The following PSPC1 variants were observed in gnomAD, a reference collection of about 807,000 sequenced individuals.
The protein encoded by PSPC1 is paraspeckle protein 1.
Under a neutral mutation model 51.6 loss-of-function variants are expected in PSPC1, and 14 were observed. That is an observed-to-expected ratio of 0.27 (90% CI 0.18 to 0.42). The LOEUF (loss-of-function observed/expected upper bound fraction) is 0.42. Ranked by LOEUF, PSPC1 falls within the 10% of genes least tolerant of loss-of-function variation. PSPC1 has a pLI of 1.00. For synonymous variants in PSPC1, 193 were observed against 231.9 expected, an observed-to-expected ratio of 0.83 and a Z score of 1.53; for missense variants, 406 against 701.1, an observed-to-expected ratio of 0.58 and a Z score of 4.75.
chr13:19,755,464 T>C lies in PSPC1; in HGVS notation c.770+3859A>G, dbSNP rs373152825. ...TTAGCTGAGCATGGTTATGTGCGCC[T>C]GTAGTCTCAGCTACTTGGGAGGCTG... On this transcript the variant is annotated intron_variant, in intron 3 of 8. Coordinates refer to ENST00000338910, the MANE Select transcript of PSPC1 (RefSeq NM_001354909.2). Among the ~76,000 whole-genome samples, 108 of 152,050 alleles carry C rather than the reference T, an allele frequency of 7.1e-4. 1 individual carries two copies. Among genetic ancestry groups the C allele is most frequent in the African/African-American group, 2.3e-3 (97 of 41,484 alleles).
intron 6 of PSPC1, among the ~76,000 whole-genome samples, chr13:19,724,602 C>T (rs1387475797): frequency 6.7e-6 from 1 of 149,136 alleles, no homozygotes; most frequent in Non-Finnish European, 1.5e-5. Context: ...CACCTGTAAT[C>T]CCAACACTCT....
chr13:19,718,435 C>T (rs1294250555), intron 6 of PSPC1, among the ~76,000 whole-genome samples: 1 of 152,150 alleles, frequency 6.6e-6, no homozygotes, highest in East Asian at 1.9e-4. Context: ...TGAGACAGCA[C>T]TACAAAACCT....
chr13:19,722,973 T>C (rs1882956112), intron 6 of PSPC1, among the ~76,000 whole-genome samples: 3 of 151,994 alleles, frequency 2.0e-5, no homozygotes. Context: ...TAGCCGGATG[T>C]AGTGGCGAGC....
intron 7 of PSPC1, among the ~76,000 whole-genome samples, chr13:19,676,884 G>T (rs1876694821): frequency 6.6e-6 from 1 of 152,074 alleles, no homozygotes; most frequent in Non-Finnish European, 1.5e-5. Context: ...GAAAAATTGT[G>T]ACCCCTCTCC....
chr13:19,745,305 C>T (rs1409675449), intron 4 of PSPC1, among the ~76,000 whole-genome samples: 1 of 152,020 alleles, frequency 6.6e-6, no homozygotes, highest in African/African-American at 2.4e-5. Flanking sequence ...GGTGACACAG[C>T]AAGACTGTCT....
At chr13:19,677,986 T>C in intron 6 of PSPC1, 1 of 330,456 alleles carries the variant, frequency 3.0e-6, no homozygotes, top group Non-Finnish European at 5.9e-6. Flanking sequence ...AGGATTTTCT[T>C]TTTAATTCAA....
At chr13:19,775,878 G>T (rs749111268) in intron 1 of PSPC1, among the ~76,000 whole-genome samples, 1 of 151,978 alleles carries the variant, frequency 6.6e-6, no homozygotes, top group African/African-American at 2.4e-5. Context: ...GTGAAACCCC[G>T]TCTCTACTAA....
chr13:19,782,373 G>A lies in PSPC1; in HGVS notation c.372+13C>T. ...AGTCCTTTTGTTCCCTCGCGCGGGC[G>A]CCTGACACTCACCAAGCGGATGAAG... On this transcript the variant is annotated intron_variant, in intron 1 of 8. Coordinates refer to ENST00000338910, the MANE Select transcript of PSPC1 (RefSeq NM_001354909.2). This position sits in a 1 kb window ranked among gnomAD's most constrained non-coding sequence, Gnocchi z 4.5. 2 of 1,570,252 alleles carry A rather than the reference G, an allele frequency of 1.3e-6. No individual in the cohort carries two copies. The highest frequency in any genetic ancestry group is 1.7e-6 in the Non-Finnish European group (2 of 1,158,526).
At chr13:19,778,273 T>C (rs979724988) in intron 1 of PSPC1, among the ~76,000 whole-genome samples, 5 of 145,748 alleles carry the variant, frequency 3.4e-5, no homozygotes, top group Non-Finnish European at 7.6e-5. Context: ...TTAAAGGTTT[T>C]AGAAGATTAA....
intron 4 of PSPC1, 64 bp downstream of exon 4, chr13:19,751,207 A>T (rs1339834000): frequency 7.5e-7 from 1 of 1,327,384 alleles, no homozygotes; most frequent in Non-Finnish European, 1.0e-6. Flanking sequence ...GTAGTACATG[A>T]ATGGTACACA....
rs1229302529 is a variant in PSPC1 at position 19,688,960 on chromosome 13, CTTAA to C, written c.1159-11141_1159-11138del. On this transcript the variant is annotated intron_variant and NMD_transcript_variant, in intron 6 of 7. Transcript: ENST00000471658. ...GTTACTTTTAATGGTGTGATAAACT[CTTAA>C]AAAAAAAAAAAAAGGAAACTCATTG... is the stretch of plus-strand genomic sequence containing the variant. Among the ~76,000 whole-genome samples the C allele has an allele frequency of 3.2e-4, 45 of 142,370 alleles. 1 individual carries two copies. The highest frequency in any genetic ancestry group is 3.7e-3 in the Middle Eastern group (1 of 272). 93.4% of individuals were successfully genotyped at this position (142,370 alleles called of 152,430 possible).
chr13:19,677,388 T>TA (rs764268937), intron 7 of PSPC1, among the ~76,000 whole-genome samples: 11 of 152,080 alleles, frequency 7.2e-5, no homozygotes, highest in East Asian at 1.9e-4. Context: ...TTTCCCCTCT[T>TA]AGTCATTTCC....
chr13:19,689,416 G>A (rs1314620401), intron 6 of PSPC1, among the ~76,000 whole-genome samples: 1 of 152,054 alleles, frequency 6.6e-6, no homozygotes, highest in Non-Finnish European at 1.5e-5. Flanking sequence ...AATGAGTTTT[G>A]GCAAACTAGA....
intron 2 of PSPC1, among the ~76,000 whole-genome samples, chr13:19,762,718 C>T (rs17086486): frequency 0.032 from 4,824 of 152,290 alleles, 88 homozygotes; most frequent in Middle Eastern, 0.075. Context: ...TCTATGGTTT[C>T]ATTGTACATA....
intron 7 of PSPC1, among the ~76,000 whole-genome samples, chr13:19,677,078 C>CA (rs1328948996): frequency 3.9e-5 from 6 of 151,926 alleles, no homozygotes; most frequent in African/African-American, 7.3e-5. Flanking sequence ...ACTAAAAATA[C>CA]AAAAATTAGC....
intron 1 of PSPC1, among the ~76,000 whole-genome samples, chr13:19,775,447 T>C (rs1461315927): frequency 2.0e-5 from 3 of 151,860 alleles, no homozygotes; most frequent in Non-Finnish European, 4.4e-5. Context: ...TTACAAGTAA[T>C]CTAGAGATGA....
chr13:19,695,138 C>T (rs1032195023), intron 6 of PSPC1, among the ~76,000 whole-genome samples: 16 of 152,126 alleles, frequency 1.1e-4, no homozygotes, highest in South Asian at 4.1e-4. Flanking sequence ...TAGAAACTGG[C>T]TGTGATAGGT....
intron 6 of PSPC1, among the ~76,000 whole-genome samples, chr13:19,714,760 G>A (rs563375374): frequency 3.3e-4 from 50 of 152,138 alleles, no homozygotes; most frequent in Non-Finnish European, 5.3e-4. Context: ...CCCCCAAAGT[G>A]CTGTGATTAC....
At chr13:19,765,061 A>G (rs1007104529) in intron 2 of PSPC1, among the ~76,000 whole-genome samples, 18 of 152,118 alleles carry the variant, frequency 1.2e-4, no homozygotes, top group African/African-American at 3.9e-4. Context: ...ATTTTAGCTC[A>G]GTTGCATATT....
Sources: allele counts gnomAD v4.1 joint callset (sites outside exome capture counted in the v4.1 genomes callset), GRCh38; gene constraint gnomAD v4.1.1; non-coding constraint Gnocchi (gnomAD v3.1); transcripts MANE v1.5; gene names NCBI Gene and HGNC (gene_info 2026-07-23, HGNC 2026-07-21).